Variants in ARL13B observed in about 807,000 individuals in gnomAD.
The protein encoded by ARL13B is ARF like GTPase 13B.
A neutral mutation model predicts 56.1 loss-of-function variants in ARL13B; 36 were observed. The observed-to-expected ratio is 0.64, with a 90% CI of 0.49 to 0.85. The LOEUF is 0.85. Among genes scored for constraint, ARL13B ranks in the 40% least tolerant of loss-of-function variants. ARL13B has a pLI of 0.00. For missense variants in ARL13B, 519 were observed against 507.1 expected (o/e 1.02, Z -0.23); for synonymous variants, 178 against 171.1 (o/e 1.04, Z -0.32).
chr3:94,044,382 G>A (rs1257392373), intron 7 of ARL13B, among the ~76,000 whole-genome samples: 7 of 140,694 alleles, frequency 5.0e-5, no homozygotes, highest in African/African-American at 1.4e-4. Context: ...CTGCCCAGCC[G>A]CCACCCCATC....
intron 1 of ARL13B, among the ~76,000 whole-genome samples, chr3:93,986,105 A>G (rs1157979322): frequency 6.6e-6 from 1 of 152,224 alleles, no homozygotes; most frequent in Admixed American, 6.5e-5. Flanking sequence ...CTGAACTGGA[A>G]TATTTTACAT....
intron 3 of ARL13B, among the ~76,000 whole-genome samples, chr3:94,018,103 G>A (rs1292946043): frequency 6.6e-6 from 1 of 152,140 alleles, no homozygotes; most frequent in East Asian, 1.9e-4. Flanking sequence ...TCCCTATGTT[G>A]TCCAGGCCGG....
intron 7 of ARL13B, among the ~76,000 whole-genome samples, chr3:94,047,375 A>G (rs979949173): frequency 3.9e-5 from 6 of 152,206 alleles, no homozygotes; most frequent in Non-Finnish European, 8.8e-5. Context: ...AAGTAGACCT[A>G]TTACAGTGGT....
intron 3 of ARL13B, among the ~76,000 whole-genome samples, chr3:94,013,931 A>G (rs1287740793): frequency 6.6e-6 from 1 of 152,196 alleles, no homozygotes; most frequent in Non-Finnish European, 1.5e-5. Context: ...TGGGTGACAG[A>G]GTGAAACTCT....
intron 2 of ARL13B, among the ~76,000 whole-genome samples, chr3:93,997,035 ATC>A (rs2075979362): frequency 6.6e-6 from 1 of 151,844 alleles, no homozygotes; most frequent in Non-Finnish European, 1.5e-5. Context: ...CCTTATGAGA[ATC>A]TAATGCCTAA....
intron 3 of ARL13B, among the ~76,000 whole-genome samples, chr3:94,009,753 A>G (rs1039478008): frequency 1.3e-5 from 2 of 152,010 alleles, no homozygotes; most frequent in African/African-American, 4.8e-5. Flanking sequence ...TCATTTACTT[A>G]TACTGTTGAC....
chr3:94,029,352 T>TTA lies in ARL13B; in HGVS notation c.381-5978_381-5977insAT, dbSNP rs564385879. Reference sequence around the variant, plus strand: ...TATATATATTTATTTTTTTTTTATTTTTTTTTTTTTTTGAGAAGGAGTCTT... The same window carrying TTA: ...TATATATATTTATTTTTTTTTTATTTTATTTTTTTTTTTTGAGAAGGAGTCTT... On this transcript the variant is annotated intron_variant, in intron 3 of 9. Coordinates refer to ENST00000394222, the MANE Select transcript of ARL13B (RefSeq NM_001174150.2). Among the ~76,000 whole-genome samples the TTA allele has an allele frequency of 6.7e-4, 76 of 114,068 alleles. 1 individual carries two copies. Among genetic ancestry groups the TTA allele is most frequent in the Non-Finnish European group, 1.1e-3 (64 of 57,878 alleles). 74.8% of individuals were successfully genotyped at this position (114,068 alleles called of 152,430 possible).
intron 3 of ARL13B, among the ~76,000 whole-genome samples, chr3:94,011,999 T>G (rs2076231976): frequency 6.6e-6 from 1 of 152,172 alleles, no homozygotes; most frequent in African/African-American, 2.4e-5. Context: ...TTATTTTACC[T>G]AAAGTTGACT....
chr3:93,997,658 T>G (rs1198076559), intron 2 of ARL13B, among the ~76,000 whole-genome samples: 4 of 152,122 alleles, frequency 2.6e-5, no homozygotes, highest in African/African-American at 9.7e-5. Context: ...ACTACAAAAT[T>G]TTTATACTGT....
intron 3 of ARL13B, chr3:94,028,236 C>T (rs1328374719): frequency 2.0e-5 from 3 of 152,144 alleles, no homozygotes. Flanking sequence ...GCTACTGGTA[C>T]CCCGGTCCAA....
At chr3:94,018,366 C>G (rs1378950245) in intron 3 of ARL13B, among the ~76,000 whole-genome samples, 3 of 152,092 alleles carry the variant, frequency 2.0e-5, no homozygotes, top group African/African-American at 7.2e-5. Context: ...TGATTTTAAC[C>G]CATCAGCACT....
chr3:94,042,564 A>G (rs1376031223), intron 6 of ARL13B, among the ~76,000 whole-genome samples: 1 of 152,164 alleles, frequency 6.6e-6, no homozygotes, highest in Non-Finnish European at 1.5e-5. Context: ...CATGGAAAGA[A>G]ATGTATATTC....
intron 3 of ARL13B, among the ~76,000 whole-genome samples, chr3:94,033,507 G>T (rs2076712807): frequency 1.3e-5 from 2 of 152,074 alleles, no homozygotes; most frequent in African/African-American, 4.8e-5. Context: ...ATTTTAAGAG[G>T]CACCAAGTAG....
chr3:94,027,887 C>A (rs1249263472), intron 3 of ARL13B, among the ~76,000 whole-genome samples: 1 of 151,932 alleles, frequency 6.6e-6, no homozygotes, highest in Non-Finnish European at 1.5e-5. Flanking sequence ...TTAGAAGATT[C>A]TAGTAAACAA....
At chr3:94,032,990 A>C (rs2076703685) in intron 3 of ARL13B, among the ~76,000 whole-genome samples, 1 of 152,238 alleles carries the variant, frequency 6.6e-6, no homozygotes, top group Admixed American at 6.5e-5. Context: ...ATGATGAAAG[A>C]AAATGTTTGT....
Position 94,054,620 on chromosome 3 carries a change from G to A in ARL13B, c.*1357G>A, listed in dbSNP as rs763646790. ...GATAACATTAAGTACATTTTATGTCGTTTAATATAATTATTTACTTTAAAA... is the reference window on the plus strand; with the variant it reads ...GATAACATTAAGTACATTTTATGTCATTTAATATAATTATTTACTTTAAAA... On this transcript the variant is annotated 3_prime_UTR_variant, in exon 10 of 10. Coordinates refer to ENST00000394222, the MANE Select transcript of ARL13B (RefSeq NM_001174150.2). 7 of 372,542 alleles carry A rather than the reference G, an allele frequency of 1.9e-5. No individual in the cohort carries two copies. The highest frequency in any genetic ancestry group is 4.1e-5 in the South Asian group (2 of 49,176). The allele number at this position is 372,542 out of a possible 1,614,324, so 23.1% of individuals were successfully genotyped here.
chr3:94,005,003 T>TA (rs1371085825), intron 3 of ARL13B, among the ~76,000 whole-genome samples: 1 of 152,180 alleles, frequency 6.6e-6, no homozygotes, highest in African/African-American at 2.4e-5. Flanking sequence ...TGGTTATTTG[T>TA]AAAACAATAT....
rs550762377 is a variant in ARL13B, at chr3:93,992,176, A to T, written c.60-3698A>T. Among the ~76,000 whole-genome samples the T allele has an allele frequency of 1.1e-3, 169 of 152,296 alleles. 1 individual carries two copies. Among genetic ancestry groups the T allele is most frequent in the African/African-American group, 3.8e-3 (156 of 41,560 alleles). Reference sequence around the variant, plus strand: ...AAATGCATAGTATATATGTATTTAGATGTTTGTTTTTTTAAAAAACTGAAA... The same window carrying T: ...AAATGCATAGTATATATGTATTTAGTTGTTTGTTTTTTTAAAAAACTGAAA... On this transcript the variant is annotated intron_variant, in intron 1 of 9. Transcript: ENST00000394222.
chr3:93,990,534 C>T (rs1458967234), intron 1 of ARL13B, among the ~76,000 whole-genome samples: 1 of 151,922 alleles, frequency 6.6e-6, no homozygotes, highest in African/African-American at 2.4e-5. Context: ...TTGATTGCAG[C>T]CTGTCACATG....
Sources: gnomAD v4.1 joint callset for allele counts (sites outside exome capture counted in the v4.1 genomes callset) on GRCh38, gnomAD v4.1.1 for gene constraint, MANE v1.5 for transcripts, NCBI Gene and HGNC (gene_info 2026-07-23, HGNC 2026-07-21) for gene names.